The following KCNH4 variants were observed in gnomAD, a reference collection of about 807,000 sequenced individuals.
KCNH4 encodes potassium voltage-gated channel subfamily H member 4.
Under a neutral mutation model 90.7 loss-of-function variants are expected in KCNH4, and 33 were observed. That is an observed-to-expected ratio of 0.36 (90% confidence interval 0.28 to 0.49). KCNH4 has a LOEUF of 0.49. Among genes scored for constraint, KCNH4 ranks in the 20% least tolerant of loss-of-function variants. The pLI, the probability that KCNH4 is intolerant of heterozygous loss-of-function variation, is 0.98. For synonymous variants in KCNH4, 551 were observed against 581.7 expected (o/e 0.95, Z 0.76); for missense variants, 1,044 against 1,387.1 (o/e 0.75, Z 3.93).
intron 5 of KCNH4, 99 bp from the exon 6 acceptor site, chr17:42,175,835 C>T: frequency 6.9e-7 from 1 of 1,442,992 alleles, no homozygotes; most frequent in Non-Finnish European, 9.6e-7. Context: ...AGGAGGCAGG[C>T]ATGGAGAGAT....
In KCNH4 at chr17:42,181,142, C is replaced by G; in HGVS notation, c.-197G>C. On this transcript the variant is annotated 5_prime_UTR_variant, in exon 1 of 17. Coordinates refer to ENST00000264661, the MANE Select transcript of KCNH4 (RefSeq NM_012285.3). ...CGGCTCGGCTCAGCGCCGTTTCGGT[C>G]CCCCCCACCTCCCCACGGGCCAGGT... 1.9e-6 allele frequency: 1 copy of G among 528,318 alleles called. No homozygotes were observed. The highest frequency in any genetic ancestry group is 3.3e-6 in the Non-Finnish European group (1 of 301,248). The allele number at this position is 528,318 out of a possible 1,614,324, so 32.7% of individuals were successfully genotyped here. A position where few individuals can be genotyped will look rare whatever the true frequency, so the allele number is the denominator to read the frequency against.
intron 7 of KCNH4, among the ~76,000 whole-genome samples, chr17:42,171,354 T>C (rs1362407421): frequency 6.6e-6 from 1 of 152,048 alleles, no homozygotes; most frequent in Non-Finnish European, 1.5e-5. Context: ...TCAGGGACCA[T>C]GCCCGGGATC....
rs1435144611 is a variant in KCNH4 at position 42,160,287 on chromosome 17, C to T, written c.2807G>A (p.Cys936Tyr). The T allele has an allele frequency of 1.2e-6, 2 of 1,614,084 alleles. No individual in the cohort carries two copies. The highest frequency in any genetic ancestry group is 1.7e-6 in the Non-Finnish European group (2 of 1,179,998). Residue 936 changes from cysteine (C) to tyrosine (Y), a missense_variant, in exon 16 of 17, where the codon TGC becomes TAC. Around this residue, in one of 4 missense-constraint regions of KCNH4, gnomAD observed 441 missense variants for 512.3 expected, o/e 0.86. Transcript: ENST00000264661. ...TGGTCTGGACGCACAAGGAGAGAGGCATGGTGGCCTCAGCTGTGGACAAGG... is the reference window on the plus strand; with the variant it reads ...TGGTCTGGACGCACAAGGAGAGAGGTATGGTGGCCTCAGCTGTGGACAAGG... The part of the protein sequence containing the change: ...DPPCPQLRPP[C>Y]LSPCASRPPP...
Position 42,161,087 on chromosome 17 carries a change from C to T in KCNH4, c.2659-652G>A, listed in dbSNP as rs950248529. 3.9e-5 allele frequency among the ~76,000 whole-genome samples: 6 copies of T among 152,064 alleles called. No individual in the cohort carries two copies. In the South Asian group the frequency reaches 6.2e-4, roughly 16 times the overall value. On this transcript the variant is annotated intron_variant, in intron 15 of 16. Coordinates refer to ENST00000264661, the MANE Select transcript of KCNH4 (RefSeq NM_012285.3). ...GACTATAGGTGTGTGCCACCACGCC[C>T]GGCTAATTTTTTTCGTATTCTTAGT... is the stretch of plus-strand genomic sequence containing the variant.
At position 42,180,560 on chromosome 17, in the gene KCNH4, GC is replaced by G. The variant is rs2079894253; in HGVS notation, c.76+309del. ...CTGTGTCTCGGATACCCCCATACAC[GC>G]CCCCAGCACAGCTCTGCCCGAGAGT... On this transcript the variant is annotated intron_variant, in intron 1 of 16. Transcript: ENST00000264661. The surrounding 1 kb of genome is among the most constrained non-coding windows in gnomAD (Gnocchi z 4.7). 6.6e-6 allele frequency among the ~76,000 whole-genome samples: 1 copy of G among 151,094 alleles called. No homozygotes were observed. Among genetic ancestry groups the G allele is most frequent in the Admixed American group, 6.6e-5 (1 of 15,176 alleles).
chr17:42,170,074 G>A, intron 8 of KCNH4, 33 bp downstream of exon 8: 1 of 1,548,932 alleles, frequency 6.5e-7, no homozygotes. Context: ...GGCTTCGCAG[G>A]GCCCCACTGA....
At chr17:42,172,569 A>ACG (rs2079835027) in intron 6 of KCNH4, among the ~76,000 whole-genome samples, 1 of 145,776 alleles carries the variant, frequency 6.9e-6, no homozygotes. Context: ...ACACACACAC[A>ACG]CACACACACA....
In KCNH4 at chr17:42,181,093, C is replaced by T; in HGVS notation, c.-148G>A. The T allele has an allele frequency of 1.5e-6, 1 of 673,766 alleles. No individual in the cohort carries two copies. The highest frequency in any genetic ancestry group is 1.9e-5 in the South Asian group (1 of 52,350). 41.7% of individuals were successfully genotyped at this position (673,766 alleles called of 1,614,324 possible). A position where few individuals can be genotyped will look rare whatever the true frequency, so the allele number is the denominator to read the frequency against. On this transcript the variant is annotated 5_prime_UTR_variant, in exon 1 of 17. Coordinates refer to ENST00000264661, the MANE Select transcript of KCNH4 (RefSeq NM_012285.3). ...TTACTGCCGCTGCCGCTGCCGCTGC[C>T]TCTGCTCCGAACCCCGTAGCTCTCG...
At chr17:42,165,779 G>A (rs2079783138) in intron 10 of KCNH4, 86 bp from the exon 11 acceptor site, 18 of 1,519,302 alleles carry the variant, frequency 1.2e-5, no homozygotes, top group Non-Finnish European at 1.6e-5. Context: ...TTGAGGGGTG[G>A]TCAGTGTGTT....
chr17:42,164,074 A>G (rs2079769092), intron 12 of KCNH4, 56 bp downstream of exon 12: 12 of 1,533,684 alleles, frequency 7.8e-6, no homozygotes, highest in Non-Finnish European at 1.1e-5. Flanking sequence ...GGATGCTGCT[A>G]CCCATCTCAC....
Position 42,176,082 on chromosome 17 carries a change from G to C in KCNH4, c.801C>G (p.Asp267Glu). Residue 267 changes from aspartate to glutamate, a missense_variant, in exon 5 of 17, where the codon GAC becomes GAG. Coordinates refer to ENST00000264661, the MANE Select transcript of KCNH4 (RefSeq NM_012285.3). ...PITSRHTLVS[D>E]IAVEMLFILD... The stretch of plus-strand genomic sequence containing the variant: ...GGATGAAGAGCATTTCCACGGCGAT[G>C]TCGCTGACAAGGGTGTGTCGCGAAG... 1.2e-6 allele frequency: 2 copies of C among 1,610,348 alleles called. No individual in the cohort carries two copies. The highest frequency in any genetic ancestry group is 1.7e-6 in the Non-Finnish European group (2 of 1,176,848).
At chr17:42,164,596 A>T (rs2079773292) in intron 11 of KCNH4, among the ~76,000 whole-genome samples, 1 of 152,070 alleles carries the variant, frequency 6.6e-6, no homozygotes, top group South Asian at 2.1e-4. Context: ...TGAGGTCAGG[A>T]GTTCGAGACC....
chr17:42,167,353 G>A (rs1229509778), intron 9 of KCNH4, among the ~76,000 whole-genome samples: 1 of 151,950 alleles, frequency 6.6e-6, no homozygotes, highest in African/African-American at 2.4e-5. Context: ...TGCAACCTCC[G>A]CCTCCCAGGT....
At chr17:42,172,278 C>T (rs2144134530) in intron 6 of KCNH4, among the ~76,000 whole-genome samples, 1 of 151,550 alleles carries the variant, frequency 6.6e-6, no homozygotes, top group East Asian at 1.9e-4. Flanking sequence ...TCTCAGCTCA[C>T]TGCAACCTCT....
chr17:42,163,875 AC>A lies in KCNH4; in HGVS notation c.2207del (p.Gly736ValfsTer92). ...TEAESGAEPG[G>X]GPRPRRPLLL... The stretch of plus-strand genomic sequence containing the variant: ...GGAGGGGCCGTCGGGGCCTGGGACC[AC>A]CCCCAGGCTCCGCGCCACTCTCGGC... On this transcript the variant is annotated frameshift_variant, in exon 13 of 17. Transcript: ENST00000264661. LOFTEE classifies it high-confidence loss of function. The surrounding 1 kb of genome is among the most constrained non-coding windows in gnomAD (Gnocchi z 5.4). The A allele has an allele frequency of 2.6e-6, 4 of 1,524,424 alleles. No homozygotes were observed. The highest frequency in any genetic ancestry group is 2.6e-6 in the Non-Finnish European group (3 of 1,134,414). 94.4% of individuals were successfully genotyped at this position (1,524,424 alleles called of 1,614,324 possible).
chr17:42,160,547 G>A, intron 15 of KCNH4, 112 bp from the exon 16 acceptor site: 1 of 1,133,882 alleles, frequency 8.8e-7, no homozygotes, highest in Non-Finnish European at 1.2e-6. Flanking sequence ...TGGCCACCCT[G>A]GGAAAAAGGC....
chr17:42,181,046 C>T lies in KCNH4; in HGVS notation c.-101G>A. ...GAGGGGCCGGGGCGCCCCATGCGCC[C>T]TCCTGCCTCCTCCCCTCCCTCTTAC... On this transcript the variant is annotated 5_prime_UTR_variant, in exon 1 of 17. Coordinates refer to ENST00000264661, the MANE Select transcript of KCNH4 (RefSeq NM_012285.3). 4 of 957,106 alleles carry T rather than the reference C, an allele frequency of 4.2e-6. No individual in the cohort carries two copies. The highest frequency in any genetic ancestry group is 6.3e-6 in the Non-Finnish European group (4 of 638,790). 59.3% of individuals were successfully genotyped at this position (957,106 alleles called of 1,614,324 possible).
chr17:42,162,393 T>C, intron 14 of KCNH4, 72 bp from the exon 15 acceptor site: 1 of 1,330,138 alleles, frequency 7.5e-7, no homozygotes, highest in Non-Finnish European at 1.1e-6. Context: ...GCTGGAATCC[T>C]CCTGTCATTG....
intron 10 of KCNH4, 133 bp from the exon 11 acceptor site, chr17:42,165,826 G>T: frequency 9.5e-7 from 1 of 1,051,358 alleles, no homozygotes; most frequent in Non-Finnish European, 1.4e-6. Context: ...CAATGGGATT[G>T]GTGGAAATAA....
Sources: gnomAD v4.1 joint callset for allele counts (sites outside exome capture counted in the v4.1 genomes callset) on GRCh38, gnomAD v4.1.1 for gene constraint, gnomAD v4.1.1 regional missense constraint, Gnocchi (gnomAD v3.1) non-coding constraint, MANE v1.5 for transcripts, NCBI Gene and HGNC (gene_info 2026-07-23, HGNC 2026-07-21) for gene names.